The following LY6L variants were observed in gnomAD, a reference collection of about 807,000 sequenced individuals.
LY6L encodes the protein lymphocyte antigen 6L.
A neutral mutation model predicts 8.3 loss-of-function variants in LY6L; 8 were observed. The ratio of observed to expected loss-of-function variants is 0.97; its 90% CI spans 0.57 to 1.74. LY6L has a LOEUF of 1.74. Ranked by LOEUF, LY6L falls within the 40% of genes most tolerant of loss-of-function variation. LY6L has a pLI of 0.00. For missense variants in LY6L, 156 were observed against 183.8 expected (o/e 0.85, Z 0.87); for synonymous variants, 79 against 77.9 (o/e 1.01, Z -0.07).
Position 143,082,525 on chromosome 8 carries a change from G to A in LY6L, c.291G>A (p.Val97=). The change falls in exon 4 of 4, where the codon GTG becomes GTA. Residue 97 remains valine (V), a synonymous_variant. Coordinates refer to ENST00000562505, the MANE Select transcript of LY6L (RefSeq NM_001368160.2). ...CGCCGGCCCCCATGGTGCAAGGCGT[G>A]ATCACCAGGCGCTGCTGTTCCTGGG... ...EWSPAPMVQG[V]ITRRCCSWAL... 6.5e-7 allele frequency: 1 copy of A among 1,535,412 alleles called. No homozygotes were observed. Among genetic ancestry groups the A allele is most frequent in the South Asian group, 1.2e-5 (1 of 84,046 alleles).
At chr8:143,082,287 C>T (rs1204388694) in intron 3 of LY6L, 138 bp from the exon 4 acceptor site, 2 of 620,650 alleles carry the variant, frequency 3.2e-6, no homozygotes, top group Non-Finnish European at 5.6e-6. Context: ...CTTGGCTGTC[C>T]TCGCAGGGCC....
rs748931181 is a variant in LY6L at position 143,082,496 on chromosome 8, T to C, written c.262T>C (p.Trp88Arg). 5.2e-6 allele frequency: 8 copies of C among 1,535,468 alleles called. No homozygotes were observed. In the South Asian group the frequency reaches 7.1e-5, roughly 14 times the overall value. The change falls in exon 4 of 4, where the codon TGG (tryptophan) becomes CGG (arginine). Residue 88 changes from tryptophan to arginine, a missense_variant. Transcript: ENST00000562505. The part of the protein sequence containing the change: ...RCPNDNMKFE[W>R]SPAPMVQGVI... ...TCCCAACGACAACATGAAGTTCGAA[T>C]GGTCGCCGGCCCCCATGGTGCAAGG...
chr8:143,081,440 G>A (rs924052808), intron 3 of LY6L, 113 bp downstream of exon 3: 12 of 634,324 alleles, frequency 1.9e-5, no homozygotes, highest in Non-Finnish European at 3.1e-5. Context: ...GGGGCCCTGT[G>A]GGTCCGAAAG....
intron 3 of LY6L, 145 bp downstream of exon 3, chr8:143,081,472 C>T (rs1276319994): frequency 3.6e-6 from 2 of 553,770 alleles, no homozygotes; most frequent in South Asian, 2.5e-5. Flanking sequence ...GTCTCTCCCG[C>T]GCTGGGCTCG....
chr8:143,081,880 T>C (rs1406868588), intron 3 of LY6L, among the ~76,000 whole-genome samples: 1 of 152,228 alleles, frequency 6.6e-6, no homozygotes, highest in Non-Finnish European at 1.5e-5. Flanking sequence ...GGGCGATTGA[T>C]TCCACCCAAG....
At position 143,082,950 on chromosome 8, in the gene LY6L, C is replaced by G; in HGVS notation, c.*299C>G. ...GATGTGGGTGATGGGAAGGACGGTG[C>G]CTCTGGTGTGGGTGATGGGAAGGAC... On this transcript the variant is annotated 3_prime_UTR_variant, in exon 4 of 4. Coordinates refer to ENST00000562505, the MANE Select transcript of LY6L (RefSeq NM_001368160.2). 1 of 388,424 alleles carries G rather than the reference C, an allele frequency of 2.6e-6. No individual in the cohort carries two copies. Among genetic ancestry groups the G allele is most frequent in the Non-Finnish European group, 4.7e-6 (1 of 213,510 alleles). The allele number at this position is 388,424 out of a possible 1,614,324, so 24.1% of individuals were successfully genotyped here.
At chr8:143,080,916 C>A (rs1229304187) in intron 1 of LY6L, 120 bp from the exon 2 acceptor site, 4 of 691,830 alleles carry the variant, frequency 5.8e-6, no homozygotes, top group African/African-American at 5.5e-5. Context: ...CGTCCGGGAG[C>A]GCAGGAGGCT....
In LY6L at chr8:143,082,531, C is replaced by T. The variant is rs1471308813; in HGVS notation, c.297C>T (p.Thr99=). 1.3e-6 allele frequency: 2 copies of T among 1,535,476 alleles called. No homozygotes were observed. The highest frequency in any genetic ancestry group is 1.2e-5 in the South Asian group (1 of 84,050). Residue 99 remains threonine, a synonymous_variant, in exon 4 of 4, where the codon ACC becomes ACT. Transcript: ENST00000562505. The stretch of plus-strand genomic sequence containing the variant: ...CCCCCATGGTGCAAGGCGTGATCAC[C>T]AGGCGCTGCTGTTCCTGGGCTCTCT... The part of the protein sequence containing the change: ...SPAPMVQGVI[T]RRCCSWALCN...
chr8:143,082,259 G>C (rs140774689), intron 3 of LY6L, among the ~76,000 whole-genome samples, 166 bp from the exon 4 acceptor site: 1 of 152,370 alleles, frequency 6.6e-6, no homozygotes, highest in East Asian at 1.9e-4. Context: ...CCCAGTAAAG[G>C]ACAGGAGAAG....
rs1820470407 is a variant in LY6L at position 143,083,426 on chromosome 8, CA to C, written c.*776del. Among the ~76,000 whole-genome samples, 1 of 152,128 alleles carries C rather than the reference CA, an allele frequency of 6.6e-6. No homozygotes were observed. Among genetic ancestry groups the C allele is most frequent in the Non-Finnish European group, 1.5e-5 (1 of 68,010 alleles). ...GGAAGGATAACACTGTGGGTGCCCC[CA>C]CCTGTGCATTGGGACCACGACCTTC... is the stretch of plus-strand genomic sequence containing the variant. On this transcript the variant is annotated 3_prime_UTR_variant, in exon 4 of 4. Coordinates refer to ENST00000562505, the MANE Select transcript of LY6L (RefSeq NM_001368160.2).
At chr8:143,080,712 C>G (rs910338726) in intron 1 of LY6L, 53 bp downstream of exon 1, 3 of 279,076 alleles carry the variant, frequency 1.1e-5, no homozygotes, top group Non-Finnish European at 2.0e-5. Context: ...GAGGGTCGGG[C>G]GAGAACGGGC....
intron 3 of LY6L, among the ~76,000 whole-genome samples, chr8:143,081,965 G>C (rs574840578): frequency 1.3e-5 from 2 of 152,264 alleles, no homozygotes; most frequent in South Asian, 2.1e-4. Flanking sequence ...AGACACGTCC[G>C]TCAGAAAGTC....
At position 143,081,314 on chromosome 8, in the gene LY6L, G is replaced by A; in HGVS notation, c.177G>A (p.Val59=). The A allele has an allele frequency of 6.5e-7, 1 of 1,529,068 alleles. No individual in the cohort carries two copies. Among genetic ancestry groups the A allele is most frequent in the Non-Finnish European group, 8.8e-7 (1 of 1,142,614 alleles). 94.7% of individuals were successfully genotyped at this position (1,529,068 alleles called of 1,614,324 possible). The change falls in exon 3 of 4, where the codon GTG becomes GTA. Residue 59 remains valine, a synonymous_variant. Coordinates refer to ENST00000562505, the MANE Select transcript of LY6L (RefSeq NM_001368160.2). ...PLDQVCISNE[V]VVSFKWSVRV... ...ACCAAGTCTGCATCTCCAACGAGGT[G>A]GTCGTCTCTTTTAGTGAGTCCCCCC...
chr8:143,082,990 G>A lies in LY6L; in HGVS notation c.*339G>A. 3.6e-6 allele frequency: 1 copy of A among 280,784 alleles called. No individual in the cohort carries two copies. Among genetic ancestry groups the A allele is most frequent in the Non-Finnish European group, 6.7e-6 (1 of 150,172 alleles). 17.4% of individuals were successfully genotyped at this position (280,784 alleles called of 1,614,324 possible). On this transcript the variant is annotated 3_prime_UTR_variant, in exon 4 of 4. Transcript: ENST00000562505. ...ATGGGAAGGACGGTGCCTCTGGTGT[G>A]GGTGATGGGATGGACGGTGCCTCTG...
chr8:143,081,318 G>A lies in LY6L; in HGVS notation c.181G>A (p.Val61Ile), dbSNP rs1486868640. The change falls in exon 3 of 4, where the codon GTC becomes ATC. Residue 61 changes from valine to isoleucine, a missense_variant. Transcript: ENST00000562505. ...AGTCTGCATCTCCAACGAGGTGGTC[G>A]TCTCTTTTAGTGAGTCCCCCCCGGG... Reference protein sequence around the residue: ...DQVCISNEVVVSFKWSVRVLL... With the variant: ...DQVCISNEVVISFKWSVRVLL... 3 of 1,525,384 alleles carry A rather than the reference G, an allele frequency of 2.0e-6. No individual in the cohort carries two copies. Among genetic ancestry groups the A allele is most frequent in the Non-Finnish European group, 1.8e-6 (2 of 1,139,794 alleles). The allele number at this position is 1,525,384 out of a possible 1,614,324, so 94.5% of individuals were successfully genotyped here.
chr8:143,082,668 C>G lies in LY6L; in HGVS notation c.*17C>G. ...CTGTTGTGAGGGCCCTCCCTTTACG[C>G]CCCCTCCTGGCCCTGCTGGCCCATC... is the stretch of plus-strand genomic sequence containing the variant. On this transcript the variant is annotated 3_prime_UTR_variant, in exon 4 of 4. Coordinates refer to ENST00000562505, the MANE Select transcript of LY6L (RefSeq NM_001368160.2). The G allele has an allele frequency of 6.9e-7, 1 of 1,450,448 alleles. No individual in the cohort carries two copies. Among genetic ancestry groups the G allele is most frequent in the Non-Finnish European group, 9.1e-7 (1 of 1,101,752 alleles). The allele number at this position is 1,450,448 out of a possible 1,614,324, so 89.8% of individuals were successfully genotyped here.
chr8:143,080,910 C>T (rs1820416178), intron 1 of LY6L, 126 bp from the exon 2 acceptor site: 3 of 673,934 alleles, frequency 4.5e-6, no homozygotes, highest in South Asian at 2.1e-5. Flanking sequence ...AAGCCGCGTC[C>T]GGGAGCGCAG....
chr8:143,082,691 A>G lies in LY6L; in HGVS notation c.*40A>G. 2.1e-6 allele frequency: 3 copies of G among 1,395,924 alleles called. No individual in the cohort carries two copies. Among genetic ancestry groups the G allele is most frequent in the Non-Finnish European group, 2.8e-6 (3 of 1,063,734 alleles). 86.5% of individuals were successfully genotyped at this position (1,395,924 alleles called of 1,614,324 possible). On this transcript the variant is annotated 3_prime_UTR_variant, in exon 4 of 4. Transcript: ENST00000562505. ...CGCCCCCTCCTGGCCCTGCTGGCCC[A>G]TCCCGTCTCCTGCCTCCAACTGCCA...
Position 143,081,080 on chromosome 8 carries a change from C to A in LY6L, c.27C>A (p.Cys9Ter). MERLVLTLCTLPLAVASAG... is the reference protein window; with the variant it reads MERLVLTL ...TGGAGAGGCTCGTCCTAACCCTGTG[C>A]ACCCTCCCGCTGGCTGTGGCGTCTG... The change falls in exon 2 of 4, where the codon TGC becomes TGA. Residue 9 changes from cysteine (C) to a stop codon, truncating the protein, a stop_gained. Coordinates refer to ENST00000562505, the MANE Select transcript of LY6L (RefSeq NM_001368160.2). LOFTEE classifies it high-confidence loss of function. 1 of 1,535,016 alleles carries A rather than the reference C, an allele frequency of 6.5e-7. No homozygotes were observed. Among genetic ancestry groups the A allele is most frequent in the Non-Finnish European group, 8.7e-7 (1 of 1,146,408 alleles).
Sources: gnomAD v4.1 joint callset for allele counts (sites outside exome capture counted in the v4.1 genomes callset) on GRCh38, gnomAD v4.1.1 for gene constraint, MANE v1.5 for transcripts, NCBI Gene and HGNC (gene_info 2026-07-23, HGNC 2026-07-21) for gene names.